PRKCA: variants seen among roughly 807,000 people sequenced by gnomAD.
PRKCA encodes protein kinase C alpha type.
In PRKCA, 27 loss-of-function variants were observed where a neutral mutation model predicts 87.0. The observed-to-expected ratio is 0.31, with a 90% CI of 0.23 to 0.43. PRKCA has a LOEUF of 0.43. Ranked by LOEUF, PRKCA falls within the 20% of genes least tolerant of loss-of-function variation. The pLI, the probability that PRKCA is intolerant of heterozygous loss-of-function variation, is 1.00. For missense variants in PRKCA, 518 were observed against 852.3 expected, an observed-to-expected ratio of 0.61 and a Z score of 4.88; for synonymous variants, 329 against 311.1, an observed-to-expected ratio of 1.06 and a Z score of -0.61.
At chr17:66,308,759 G>A (rs1271073334) in intron 2 of PRKCA, among the ~76,000 whole-genome samples, 1 of 152,114 alleles carries the variant, frequency 6.6e-6, no homozygotes, top group African/African-American at 2.4e-5. Flanking sequence ...TTACCTCAGG[G>A]TGATGCTTTT....
At chr17:66,671,569 AG>A (rs1972185624) in intron 5 of PRKCA, among the ~76,000 whole-genome samples, 1 of 152,218 alleles carries the variant, frequency 6.6e-6, no homozygotes, top group Non-Finnish European at 1.5e-5. Context: ...CACCATTTTC[AG>A]ATGGGATGTT....
intron 3 of PRKCA, among the ~76,000 whole-genome samples, chr17:66,504,211 A>G (rs1196974999): frequency 1.3e-5 from 2 of 152,122 alleles, no homozygotes; most frequent in African/African-American, 4.8e-5. Flanking sequence ...TTACAAAGGT[A>G]AAGAGAGTTC....
chr17:66,487,979 T>C (rs1290817140), intron 2 of PRKCA, among the ~76,000 whole-genome samples: 1 of 152,234 alleles, frequency 6.6e-6, no homozygotes, highest in African/African-American at 2.4e-5. Flanking sequence ...TTTGCTTTTG[T>C]TGTCTGTGCT....
At chr17:66,458,344 G>A (rs1242771462) in intron 2 of PRKCA, among the ~76,000 whole-genome samples, 5 of 152,106 alleles carry the variant, frequency 3.3e-5, no homozygotes, top group African/African-American at 1.2e-4. Context: ...AAAGTCTACA[G>A]CTTCCTGGAA....
At chr17:66,345,109 C>T (rs991857461) in intron 2 of PRKCA, among the ~76,000 whole-genome samples, 5 of 152,136 alleles carry the variant, frequency 3.3e-5, no homozygotes, top group African/African-American at 7.2e-5. Context: ...TACCCTTTCC[C>T]CCGCACCCTC....
At chr17:66,368,945 G>C (rs368330363) in intron 2 of PRKCA, among the ~76,000 whole-genome samples, 1 of 152,078 alleles carries the variant, frequency 6.6e-6, no homozygotes, top group East Asian at 1.9e-4. Context: ...TTTTAGTTTC[G>C]TAATCTGTAG....
chr17:66,735,792 T>TA (rs1470918821), intron 10 of PRKCA, 130 bp downstream of exon 10: 32 of 1,070,880 alleles, frequency 3.0e-5, no homozygotes, highest in Non-Finnish European at 4.2e-5. Flanking sequence ...CAAGCAGAGG[T>TA]GACTGGGGAC....
intron 2 of PRKCA, among the ~76,000 whole-genome samples, chr17:66,435,676 A>G (rs1027388402): frequency 3.9e-5 from 6 of 152,206 alleles, no homozygotes; most frequent in Non-Finnish European, 8.8e-5. Flanking sequence ...GAAATGTGAA[A>G]AGATGTGTTT....
chr17:66,494,820 G>C (rs957245759), intron 2 of PRKCA, among the ~76,000 whole-genome samples: 2 of 152,052 alleles, frequency 1.3e-5, no homozygotes, highest in Non-Finnish European at 1.5e-5. Flanking sequence ...CCTTTCAGGG[G>C]GACATGTGCA....
chr17:66,335,185 A>G (rs559145528), intron 2 of PRKCA, among the ~76,000 whole-genome samples: 7 of 152,204 alleles, frequency 4.6e-5, no homozygotes, highest in South Asian at 2.1e-4. Context: ...CTGGACTGCA[A>G]TGGTGTGATC....
intron 2 of PRKCA, among the ~76,000 whole-genome samples, chr17:66,375,027 C>T (rs1489118513): frequency 6.7e-6 from 1 of 149,844 alleles, no homozygotes; most frequent in Non-Finnish European, 1.5e-5. Context: ...GACACCGCAC[C>T]CGGCCTTAGT....
chr17:66,375,730 A>G (rs115655753), intron 2 of PRKCA, among the ~76,000 whole-genome samples: 2,185 of 152,202 alleles, frequency 0.014, 61 homozygotes, highest in African/African-American at 0.05. Flanking sequence ...GGAAATGTTA[A>G]TTTGGGGGAA....
intron 2 of PRKCA, among the ~76,000 whole-genome samples, chr17:66,383,422 T>C (rs942757149): frequency 6.6e-6 from 1 of 151,700 alleles, no homozygotes; most frequent in Non-Finnish European, 1.5e-5. Context: ...GCTAAGTCAA[T>C]GGGCAAAAAG....
chr17:66,715,207 A>G (rs1973444075), intron 8 of PRKCA, among the ~76,000 whole-genome samples: 1 of 151,328 alleles, frequency 6.6e-6, no homozygotes, highest in South Asian at 2.1e-4. Flanking sequence ...CCATGGAGGG[A>G]AGGCTCTGGA....
At chr17:66,380,516 A>G (rs1659343320) in intron 2 of PRKCA, among the ~76,000 whole-genome samples, 2 of 152,240 alleles carry the variant, frequency 1.3e-5, no homozygotes, top group African/African-American at 2.4e-5. Context: ...CCATTTATTT[A>G]TCCTGCTATT....
chr17:66,483,061 G>T (rs1915851564), intron 2 of PRKCA, among the ~76,000 whole-genome samples: 1 of 152,168 alleles, frequency 6.6e-6, no homozygotes, highest in Non-Finnish European at 1.5e-5. Context: ...CTGTCCCGTA[G>T]AGCTGTCGGG....
At chr17:66,477,650 A>G (rs1915591543) in intron 2 of PRKCA, among the ~76,000 whole-genome samples, 1 of 152,198 alleles carries the variant, frequency 6.6e-6, no homozygotes, top group Non-Finnish European at 1.5e-5. Flanking sequence ...TGGTGAGCTG[A>G]GATTGCACCA....
intron 2 of PRKCA, among the ~76,000 whole-genome samples, chr17:66,428,912 G>T (rs185599673): frequency 1.3e-5 from 2 of 152,226 alleles, no homozygotes; most frequent in African/African-American, 4.8e-5. Flanking sequence ...ATTTAAACTC[G>T]TACTTAAGCA....
chr17:66,749,433 T>A (rs1275208404), intron 13 of PRKCA, among the ~76,000 whole-genome samples: 2 of 151,936 alleles, frequency 1.3e-5, no homozygotes, highest in Admixed American at 1.3e-4. Flanking sequence ...TGCTCAGAGA[T>A]CACCTTGGGG....
Sources: gnomAD v4.1 joint callset for allele counts (sites outside exome capture counted in the v4.1 genomes callset) on GRCh38, gnomAD v4.1.1 for gene constraint, MANE v1.5 for transcripts, NCBI Gene and HGNC (gene_info 2026-07-23, HGNC 2026-07-21) for gene names.